The following SRCIN1 variants were observed in gnomAD, a reference collection of about 807,000 sequenced individuals.
SRCIN1 encodes P130Cas-associated protein.
A neutral mutation model predicts 116.2 loss-of-function variants in SRCIN1; 50 were observed. The ratio of observed to expected loss-of-function variants is 0.43; its 90% CI spans 0.34 to 0.54. The LOEUF (loss-of-function observed/expected upper bound fraction) is 0.54. Among genes scored for constraint, SRCIN1 ranks in the 20% least tolerant of loss-of-function variants. The probability of loss-of-function intolerance (pLI) is 0.02; values close to 1 mark genes in which losing one functional copy is unlikely to be tolerated. For synonymous variants in SRCIN1, 736 were observed against 750.0 expected (o/e 0.98, Z 0.30); for missense variants, 1,446 against 1,672.0 (o/e 0.86, Z 2.36).
intron 1 of SRCIN1, among the ~76,000 whole-genome samples, chr17:38,588,592 GTCTTCT>G (rs1908270925): frequency 6.6e-6 from 1 of 152,318 alleles, no homozygotes; most frequent in African/African-American, 2.4e-5. Context: ...CTGCCAGGGC[GTCTTCT>G]CCCCAGGGGG....
chr17:38,563,173 G>A lies in SRCIN1; in HGVS notation c.740+150C>T. ...AGGGGGTGGGGGCTGAGATGGCCGAGGAAGGGGGCGGGGCGGTAGGGCTCT... is the reference window on the plus strand; with the variant it reads ...AGGGGGTGGGGGCTGAGATGGCCGAAGAAGGGGGCGGGGCGGTAGGGCTCT... On this transcript the variant is annotated intron_variant, in intron 5 of 18. Coordinates refer to ENST00000617146, the MANE Select transcript of SRCIN1 (RefSeq NM_025248.3). The surrounding 1 kb of genome is among the most constrained non-coding windows in gnomAD (Gnocchi z 5.8). The A allele has an allele frequency of 1.1e-6, 1 of 901,856 alleles. No homozygotes were observed. The highest frequency in any genetic ancestry group is 1.7e-5 in the African/African-American group (1 of 59,544). 55.9% of individuals were successfully genotyped at this position (901,856 alleles called of 1,614,324 possible). A position where few individuals can be genotyped will look rare whatever the true frequency, so the allele number is the denominator to read the frequency against.
chr17:38,574,319 T>C (rs567081488), intron 2 of SRCIN1, among the ~76,000 whole-genome samples: 20 of 152,310 alleles, frequency 1.3e-4, no homozygotes, highest in African/African-American at 4.6e-4. Context: ...TATCTTCCCA[T>C]AACGGACACT....
chr17:38,570,722 T>C (rs1234321599), intron 2 of SRCIN1, among the ~76,000 whole-genome samples: 1 of 152,214 alleles, frequency 6.6e-6, no homozygotes, highest in Non-Finnish European at 1.5e-5. Flanking sequence ...CACATGGGCC[T>C]GCCCCAGGGT....
chr17:38,578,455 G>C, intron 2 of SRCIN1, 35 bp downstream of exon 2: 1 of 1,520,668 alleles, frequency 6.6e-7, no homozygotes, highest in East Asian at 2.3e-5. Flanking sequence ...GCTGGCCGCG[G>C]CCGCAGCCGC....
intron 18 of SRCIN1, among the ~76,000 whole-genome samples, chr17:38,536,595 G>C (rs1485413784): frequency 1.3e-5 from 2 of 152,126 alleles, no homozygotes; most frequent in Admixed American, 1.3e-4. Flanking sequence ...AGACAAGTGT[G>C]GAACCTCTCG....
At chr17:38,543,393 G>A (rs950303036) in intron 18 of SRCIN1, among the ~76,000 whole-genome samples, 1 of 152,182 alleles carries the variant, frequency 6.6e-6, no homozygotes, top group Non-Finnish European at 1.5e-5. Flanking sequence ...AGAGGGAAGC[G>A]GAGAGAGAAA....
intron 15 of SRCIN1, 41 bp from the exon 16 acceptor site, chr17:38,549,251 C>G: frequency 6.7e-7 from 1 of 1,486,572 alleles, no homozygotes. Context: ...GGCCTGCAAC[C>G]TTGGAGTCAG....
chr17:38,560,409 T>C lies in SRCIN1; in HGVS notation c.1717A>G (p.Met573Val), dbSNP rs1177831964. 1.2e-6 allele frequency: 2 copies of C among 1,611,526 alleles called. No individual in the cohort carries two copies. The highest frequency in any genetic ancestry group is 1.7e-6 in the Non-Finnish European group (2 of 1,178,944). Reference sequence around the variant, plus strand: ...GTGAGGCTGGCAATCTGCTTCTCCATGGCCTCCATGCGCTCCCTGGGGAGG... The same window carrying C: ...GTGAGGCTGGCAATCTGCTTCTCCACGGCCTCCATGCGCTCCCTGGGGAGG... ...DTETRERMEAMEKQIASLTGL... is the reference protein window; with the variant it reads ...DTETRERMEAVEKQIASLTGL... The change falls in exon 8 of 19, where the codon ATG (methionine) becomes GTG (valine). Residue 573 changes from methionine (M) to valine (V), a missense_variant. By Grantham distance (21) the Met-to-Val change is conservative (BLOSUM62 1). Transcript: ENST00000617146.
chr17:38,561,450 T>C lies in SRCIN1; in HGVS notation c.1700+13A>G. 3.2e-6 allele frequency: 5 copies of C among 1,542,390 alleles called. No homozygotes were observed. Among genetic ancestry groups the C allele is most frequent in the African/African-American group, 1.4e-5 (1 of 71,652 alleles). On this transcript the variant is annotated intron_variant, in intron 7 of 18. Transcript: ENST00000617146. ...CCACCCCCAGTCCCTGAGGCCTGGT[T>C]AACGTCCCTCACCTGGTCTCCGTGT...
In SRCIN1 at chr17:38,538,736, G is replaced by A. The variant is rs78977299; in HGVS notation, c.3417+5087C>T. 6.6e-5 allele frequency among the ~76,000 whole-genome samples: 10 copies of A among 152,174 alleles called. No individual in the cohort carries two copies. The East Asian group carries it at 1.7e-3, about 26-fold the overall frequency. On this transcript the variant is annotated intron_variant, in intron 18 of 18. Transcript: ENST00000617146. ...TTCTCGTCACAAGCGCGATCTCATC[G>A]AGGCTTGCTCACACCCACGAGGTTA... is the stretch of plus-strand genomic sequence containing the variant.
intron 2 of SRCIN1, among the ~76,000 whole-genome samples, chr17:38,570,259 A>T (rs533436283): frequency 6.6e-6 from 1 of 152,134 alleles, no homozygotes; most frequent in African/African-American, 2.4e-5. Flanking sequence ...ACTCATACAC[A>T]AACGTGTTTG....
chr17:38,564,516 A>G (rs1287183646), intron 3 of SRCIN1, among the ~76,000 whole-genome samples: 1 of 151,976 alleles, frequency 6.6e-6, no homozygotes, highest in Non-Finnish European at 1.5e-5. Flanking sequence ...TCCCTGGGAC[A>G]CCCGGCAGGT....
At chr17:38,579,493 C>T (rs2143325159) in intron 1 of SRCIN1, among the ~76,000 whole-genome samples, 1 of 152,216 alleles carries the variant, frequency 6.6e-6, no homozygotes, top group African/African-American at 2.4e-5. Context: ...AGGCTGGGCA[C>T]AGAGAGGACA....
intron 2 of SRCIN1, among the ~76,000 whole-genome samples, chr17:38,577,014 G>A (rs543109665): frequency 2.6e-5 from 4 of 152,294 alleles, no homozygotes; most frequent in Non-Finnish European, 5.9e-5. Flanking sequence ...TCGCCGGCCA[G>A]GTGGACCTCT....
At chr17:38,594,223 C>A (rs928606158) in intron 1 of SRCIN1, among the ~76,000 whole-genome samples, 7 of 152,184 alleles carry the variant, frequency 4.6e-5, no homozygotes, top group Non-Finnish European at 8.8e-5. Context: ...AGTCTCTCCG[C>A]GTTCTCCTGG....
rs1031192494 is a variant in SRCIN1 at position 38,585,833 on chromosome 17, G to C, written c.23-7042C>G. ...ACTAAAGCCTCGGAGATGAGGGCGT[G>C]TGATGGGGGAAGGGCGATGGGGGGA... On this transcript the variant is annotated intron_variant, in intron 1 of 18. Transcript: ENST00000617146. This position sits in a 1 kb window ranked among gnomAD's most constrained non-coding sequence, Gnocchi z 4.2. 2.0e-5 allele frequency among the ~76,000 whole-genome samples: 3 copies of C among 152,194 alleles called. No homozygotes were observed. The highest frequency in any genetic ancestry group is 7.2e-5 in the African/African-American group (3 of 41,460).
intron 18 of SRCIN1, chr17:38,543,282 C>A: frequency 4.5e-6 from 2 of 447,132 alleles, no homozygotes; most frequent in Non-Finnish European, 4.5e-6. Flanking sequence ...AAAGCAGATG[C>A]AAAGTTGGCT....
intron 1 of SRCIN1, among the ~76,000 whole-genome samples, chr17:38,587,135 C>A (rs1194069815): frequency 1.3e-5 from 2 of 152,116 alleles, no homozygotes; most frequent in Non-Finnish European, 2.9e-5. Flanking sequence ...CAGACTGGGG[C>A]CTCCCTTATG....
chr17:38,543,014 GTC>G (rs1350340253), intron 18 of SRCIN1: 1 of 453,054 alleles, frequency 2.2e-6, no homozygotes, highest in Non-Finnish European at 4.5e-6. Flanking sequence ...TGCACTAAGG[GTC>G]TCTCACAACA....
Sources: gnomAD v4.1 joint callset for allele counts (sites outside exome capture counted in the v4.1 genomes callset) on GRCh38, gnomAD v4.1.1 for gene constraint, Gnocchi (gnomAD v3.1) non-coding constraint, MANE v1.5 for transcripts, NCBI Gene and HGNC (gene_info 2026-07-23, HGNC 2026-07-21) for gene names.